CLTC: variants seen among roughly 807,000 people sequenced by gnomAD.
CLTC encodes the protein clathrin heavy chain, also known as clathrin heavy chain 1.
A neutral mutation model predicts 195.8 loss-of-function variants in CLTC; 16 were observed. The ratio of observed to expected loss-of-function variants is 0.08; its 90% confidence interval spans 0.06 to 0.12. The LOEUF (loss-of-function observed/expected upper bound fraction) is 0.12. Among genes scored for constraint, CLTC ranks in the 10% least tolerant of loss-of-function variants. The probability of loss-of-function intolerance (pLI) is 1.00; values close to 1 mark genes in which losing one functional copy is unlikely to be tolerated. For missense variants in CLTC, 796 were observed against 2,027.0 expected, an observed-to-expected ratio of 0.39 and a Z score of 11.66; for synonymous variants, 667 against 689.4, an observed-to-expected ratio of 0.97 and a Z score of 0.51.
chr17:59,654,455 G>A (rs568994281), intron 5 of CLTC, among the ~76,000 whole-genome samples: 62 of 151,892 alleles, frequency 4.1e-4, no homozygotes, highest in African/African-American at 1.4e-3. Flanking sequence ...TGAGATTACA[G>A]GCATGAGCCA....
chr17:59,653,538 T>C (rs909397113), intron 5 of CLTC, among the ~76,000 whole-genome samples: 3 of 151,292 alleles, frequency 2.0e-5, no homozygotes, highest in African/African-American at 7.3e-5. Flanking sequence ...TCTCTCCCCC[T>C]CTTTCTTTCC....
At chr17:59,661,681 G>A (rs1211063768) in intron 8 of CLTC, 38 bp downstream of exon 8, 1 of 1,572,732 alleles carries the variant, frequency 6.4e-7, no homozygotes, top group Admixed American at 1.7e-5. Flanking sequence ...TGCTTTGGTT[G>A]CATTAAATAT....
rs140621876 is a variant in CLTC at position 59,677,435 on chromosome 17, T to TA, written c.2796+248dup. 6.8e-3 allele frequency among the ~76,000 whole-genome samples: 1,030 copies of TA among 152,354 alleles called. 36 individuals are homozygous for TA. Among genetic ancestry groups the TA allele is most frequent in the Admixed American group, 0.051 (776 of 15,300 alleles). On this transcript the variant is annotated intron_variant, in intron 17 of 31. Transcript: ENST00000269122. ...CTTACCATTTGTGTTCTCACACTCT[T>TA]ACACTCAGGCACACCATTCATACAT...
intron 1 of CLTC, among the ~76,000 whole-genome samples, chr17:59,631,751 G>T (rs1197022883): frequency 6.6e-6 from 1 of 151,542 alleles, no homozygotes; most frequent in African/African-American, 2.4e-5. Flanking sequence ...TAGGTGGATT[G>T]CTTCAACCCA....
chr17:59,677,547 C>CT (rs2032993821), intron 17 of CLTC, among the ~76,000 whole-genome samples: 1 of 152,074 alleles, frequency 6.6e-6, no homozygotes, highest in Admixed American at 6.6e-5. Flanking sequence ...AGTGTATGGC[C>CT]TAAGAATAAG....
At chr17:59,688,852 T>TC (rs2033238377) in intron 30 of CLTC, among the ~76,000 whole-genome samples, 1 of 152,214 alleles carries the variant, frequency 6.6e-6, no homozygotes, top group Admixed American at 6.5e-5. Context: ...GTTTCATTTT[T>TC]CTTCTTTTTT....
rs747934604 is a variant in CLTC, at chr17:59,668,865, G to C, written c.2217G>C (p.Gly739=). The change falls in exon 14 of 32, where the codon GGG becomes GGC. Residue 739 remains glycine (G), a synonymous_variant. Coordinates refer to ENST00000269122, the MANE Select transcript of CLTC (RefSeq NM_004859.4). The stretch of plus-strand genomic sequence containing the variant: ...ATATTCAGGCAGCTTGCAAGACTGG[G>C]CAAATCAAAGAAGTAGAAAGAATCT... ...FKYIQAACKT[G]QIKEVERICR... The C allele has an allele frequency of 6.2e-7, 1 of 1,613,586 alleles. No homozygotes were observed. The highest frequency in any genetic ancestry group is 8.5e-7 in the Non-Finnish European group (1 of 1,179,844).
At chr17:59,680,858 C>T in intron 18 of CLTC, 54 bp from the exon 19 acceptor site, 1 of 1,466,438 alleles carries the variant, frequency 6.8e-7, no homozygotes, top group Non-Finnish European at 9.1e-7. Context: ...CCAACTTACG[C>T]TTTTTTAAAA....
intron 1 of CLTC, among the ~76,000 whole-genome samples, chr17:59,631,968 T>C (rs1413599258): frequency 4.5e-5 from 3 of 66,162 alleles, no homozygotes; most frequent in African/African-American, 1.3e-4. Flanking sequence ...AGACCCTATC[T>C]CAAAAAAAAA....
At chr17:59,669,774 T>C (rs1312033024) in intron 14 of CLTC, among the ~76,000 whole-genome samples, 4 of 152,134 alleles carry the variant, frequency 2.6e-5, no homozygotes, top group African/African-American at 9.7e-5. Context: ...TTCTGAAGTA[T>C]TTTTTGTCTT....
intron 16 of CLTC, among the ~76,000 whole-genome samples, chr17:59,675,885 A>T (rs998725175): frequency 2.6e-5 from 4 of 152,242 alleles, no homozygotes; most frequent in African/African-American, 4.8e-5. Flanking sequence ...GACATGGCGT[A>T]TCTTGGATTG....
At position 59,641,659 on chromosome 17, in the gene CLTC, C is replaced by T. The variant is rs116570443; in HGVS notation, c.43-2617C>T. 4.6e-3 allele frequency among the ~76,000 whole-genome samples: 645 copies of T among 140,514 alleles called. 4 individuals carry two copies. The highest frequency in any genetic ancestry group is 7.2e-3 in the Non-Finnish European group (470 of 64,876). The allele number at this position is 140,514 out of a possible 152,430, so 92.2% of individuals were successfully genotyped here. A position where few individuals can be genotyped will look rare whatever the true frequency, so the allele number is the denominator to read the frequency against. On this transcript the variant is annotated intron_variant, in intron 1 of 31. Transcript: ENST00000269122. Reference sequence around the variant, plus strand: ...GTCACTTGCCTCCTGTTTAATTTTGCATTTTTTAAATAAAGTATATCTATT... The same window carrying T: ...GTCACTTGCCTCCTGTTTAATTTTGTATTTTTTAAATAAAGTATATCTATT...
At chr17:59,665,054 G>C in intron 10 of CLTC, 145 bp downstream of exon 10, 1 of 1,039,774 alleles carries the variant, frequency 9.6e-7, no homozygotes, top group Non-Finnish European at 1.3e-6. Context: ...GTGAGACCCT[G>C]TAACTACAAA....
At chr17:59,653,974 T>C (rs1052749519) in intron 5 of CLTC, among the ~76,000 whole-genome samples, 1 of 151,626 alleles carries the variant, frequency 6.6e-6, no homozygotes, top group African/African-American at 2.4e-5. Context: ...GGTTTCGCCA[T>C]GTTGGTCAGG....
rs1283107064 is a variant in CLTC at position 59,686,163 on chromosome 17, G to C, written c.4827+355G>C. ...ATTGTAGATTCCCTTTTATTTGGTT[G>C]GTTCCTGACTTTAATGATGTCTATG... On this transcript the variant is annotated intron_variant, in intron 30 of 31. Coordinates refer to ENST00000269122, the MANE Select transcript of CLTC (RefSeq NM_004859.4). Among the ~76,000 whole-genome samples, 5 of 151,974 alleles carry C rather than the reference G, an allele frequency of 3.3e-5. No individual in the cohort carries two copies. The South Asian group carries it at 1.0e-3, about 32-fold the overall frequency.
rs769025080 is a variant in CLTC at position 59,681,886 on chromosome 17, C to T, written c.3442+47C>T. On this transcript the variant is annotated intron_variant, in intron 21 of 31. Coordinates refer to ENST00000269122, the MANE Select transcript of CLTC (RefSeq NM_004859.4). This position sits in a 1 kb window ranked among gnomAD's most constrained non-coding sequence, Gnocchi z 5.0. ...ATTGAAACCTCATAAAATGATTAAG[C>T]TAAGCATTAAGATATCTGTCTATTC... is the stretch of plus-strand genomic sequence containing the variant. 2 of 1,481,912 alleles carry T rather than the reference C, an allele frequency of 1.3e-6. No homozygotes were observed. The highest frequency in any genetic ancestry group is 9.2e-7 in the Non-Finnish European group (1 of 1,087,420). 91.8% of individuals were successfully genotyped at this position (1,481,912 alleles called of 1,614,324 possible).
rs2033420644 is a variant in CLTC at position 59,696,245 on chromosome 17, T to TG, written c.*2394dup. ...TTGCTATTGTGGCATCATTCACAGTTGCAATTTTTCTCCTGTGCTGTCATA... is the reference window on the plus strand; with the variant it reads ...TTGCTATTGTGGCATCATTCACAGTTGGCAATTTTTCTCCTGTGCTGTCATA... On this transcript the variant is annotated 3_prime_UTR_variant, in exon 32 of 32. Coordinates refer to ENST00000269122, the MANE Select transcript of CLTC (RefSeq NM_004859.4). The TG allele has an allele frequency of 9.0e-6, 2 of 221,828 alleles. No homozygotes were observed. Among genetic ancestry groups the TG allele is most frequent in the Non-Finnish European group, 1.8e-5 (2 of 110,962 alleles). The allele number at this position is 221,828 out of a possible 1,614,324, so 13.7% of individuals were successfully genotyped here. A position where few individuals can be genotyped will look rare whatever the true frequency, so the allele number is the denominator to read the frequency against.
chr17:59,649,099 T>C (rs554099315), intron 4 of CLTC, among the ~76,000 whole-genome samples: 1 of 152,330 alleles, frequency 6.6e-6, no homozygotes, highest in South Asian at 2.1e-4. Context: ...CTTTGTATAT[T>C]AGACTTAGTT....
chr17:59,682,659 T>C lies in CLTC; in HGVS notation c.3631T>C (p.Tyr1211His), dbSNP rs763150110. The C allele has an allele frequency of 1.5e-5, 24 of 1,614,010 alleles. No homozygotes were observed. The highest frequency in any genetic ancestry group is 1.9e-5 in the Non-Finnish European group (22 of 1,179,990). Residue 1211 changes from tyrosine to histidine, a missense_variant, in exon 23 of 32, where the codon TAT becomes CAT. Around this residue, in one of 9 missense-constraint regions of CLTC, gnomAD observed 102 missense variants for 317.6 expected, o/e 0.32. Transcript: ENST00000269122. The surrounding 1 kb of genome is among the most constrained non-coding windows in gnomAD (Gnocchi z 6.8). Reference protein sequence around the residue: ...VGDRCYDEKMYDAAKLLYNNV... With the variant: ...VGDRCYDEKMHDAAKLLYNNV... Reference sequence around the variant, plus strand: ...TGACCGTTGTTATGATGAAAAAATGTATGATGCTGCTAAGTTGTTGTACAA... The same window carrying C: ...TGACCGTTGTTATGATGAAAAAATGCATGATGCTGCTAAGTTGTTGTACAA...
Sources: allele counts gnomAD v4.1 joint callset (sites outside exome capture counted in the v4.1 genomes callset), GRCh38; gene constraint gnomAD v4.1.1; regional missense constraint gnomAD v4.1.1; non-coding constraint Gnocchi (gnomAD v3.1); transcripts MANE v1.5; gene names NCBI Gene and HGNC (gene_info 2026-07-23, HGNC 2026-07-21).